Variants in SNTG2 observed in about 807,000 individuals in gnomAD.
The protein encoded by SNTG2 is syntrophin gamma 2.
In SNTG2, 74 loss-of-function variants were observed where a neutral mutation model predicts 70.9. That is an observed-to-expected ratio of 1.04 (90% CI 0.86 to 1.27). SNTG2 has a LOEUF of 1.27. Ranked by LOEUF, SNTG2 falls within the 50% of genes most tolerant of loss-of-function variation. SNTG2 has a pLI of 0.00. For missense variants in SNTG2, 717 were observed against 690.7 expected, an observed-to-expected ratio of 1.04 and a Z score of -0.43; for synonymous variants, 278 against 273.8, an observed-to-expected ratio of 1.02 and a Z score of -0.15.
intron 1 of SNTG2, among the ~76,000 whole-genome samples, chr2:976,648 G>T (rs1049665524): frequency 6.6e-6 from 1 of 152,104 alleles, no homozygotes; most frequent in African/African-American, 2.4e-5. Flanking sequence ...CACCCATTTC[G>T]GAACACATCA....
rs554082622 is a variant in SNTG2, at chr2:1,175,097, G to C, written c.591+1914G>C. 3.3e-5 allele frequency among the ~76,000 whole-genome samples: 5 copies of C among 152,156 alleles called. No individual in the cohort carries two copies. In the South Asian group the frequency reaches 1.0e-3, roughly 32 times the overall value. On this transcript the variant is annotated intron_variant, in intron 8 of 16. Coordinates refer to ENST00000308624, the MANE Select transcript of SNTG2 (RefSeq NM_018968.4). The stretch of plus-strand genomic sequence containing the variant: ...ATATTTTCCTCTAAATATTGTTAAC[G>C]TTTGCTTTTCACATTAGATCTCTAA...
At chr2:1,162,686 A>G (rs1317113604) in intron 6 of SNTG2, among the ~76,000 whole-genome samples, 2 of 151,972 alleles carry the variant, frequency 1.3e-5, no homozygotes, top group African/African-American at 4.8e-5. Context: ...GCCGTCATGA[A>G]CCTCGTTTAT....
intron 16 of SNTG2, among the ~76,000 whole-genome samples, chr2:1,326,511 C>T (rs933813607): frequency 6.6e-6 from 1 of 152,026 alleles, no homozygotes; most frequent in African/African-American, 2.4e-5. Context: ...CAGCAAAAAC[C>T]ATTACTCTTT....
chr2:1,288,064 T>C (rs1001973336), intron 14 of SNTG2, among the ~76,000 whole-genome samples: 2 of 152,220 alleles, frequency 1.3e-5, no homozygotes, highest in African/African-American at 2.4e-5. Flanking sequence ...AATAGGATAA[T>C]AGAATTAATC....
At chr2:1,046,684 T>C (rs1661755337) in intron 1 of SNTG2, among the ~76,000 whole-genome samples, 1 of 152,192 alleles carries the variant, frequency 6.6e-6, no homozygotes, top group Non-Finnish European at 1.5e-5. Context: ...AATATAGGTC[T>C]CCAATCTCTT....
At chr2:1,180,216 T>C (rs1338338296) in intron 8 of SNTG2, among the ~76,000 whole-genome samples, 1 of 126,656 alleles carries the variant, frequency 7.9e-6, no homozygotes. Flanking sequence ...AATTGACAAA[T>C]GGGATCTAAT....
intron 4 of SNTG2, among the ~76,000 whole-genome samples, chr2:1,118,679 G>T (rs1022588500): frequency 6.6e-6 from 1 of 151,836 alleles, no homozygotes; most frequent in African/African-American, 2.4e-5. Flanking sequence ...AAAAATCTGT[G>T]AACTTGAAGA....
intron 6 of SNTG2, among the ~76,000 whole-genome samples, chr2:1,139,716 C>T (rs36161437): frequency 0.13 from 20,185 of 151,764 alleles, 1,804 homozygotes; most frequent in East Asian, 0.27. Context: ...GTAGCCCCAG[C>T]TACTTAGGAG....
intron 8 of SNTG2, among the ~76,000 whole-genome samples, chr2:1,185,950 A>T (rs986490853): frequency 2.0e-5 from 3 of 152,198 alleles, no homozygotes; most frequent in Admixed American, 6.5e-5. Flanking sequence ...AATTTTCCAA[A>T]CTTTAACACT....
intron 1 of SNTG2, among the ~76,000 whole-genome samples, chr2:1,003,507 C>G (rs1659473578): frequency 6.6e-6 from 1 of 152,304 alleles, no homozygotes; most frequent in East Asian, 1.9e-4. Context: ...CATGTCTAGA[C>G]TTCATTACAT....
intron 2 of SNTG2, among the ~76,000 whole-genome samples, chr2:1,090,763 T>G (rs1664967384): frequency 6.6e-6 from 1 of 152,178 alleles, no homozygotes; most frequent in Non-Finnish European, 1.5e-5. Context: ...CCTGGGGCTG[T>G]GCACATGTTC....
intron 4 of SNTG2, among the ~76,000 whole-genome samples, chr2:1,125,349 G>T (rs1377902189): frequency 6.6e-6 from 1 of 152,094 alleles, no homozygotes; most frequent in Non-Finnish European, 1.5e-5. Context: ...TAAATCAAGA[G>T]TGTGTAACAG....
In SNTG2 at chr2:1,095,615, T is replaced by C. The variant is rs563207358; in HGVS notation, c.211-2581T>C. 3.3e-5 allele frequency among the ~76,000 whole-genome samples: 5 copies of C among 152,344 alleles called. No individual in the cohort carries two copies. In the South Asian group the frequency reaches 8.3e-4, roughly 25 times the overall value. ...TTGAAATATCAAGGATATTTTAGGG[T>C]ATTTCAGGATATCTTCCTGACATGT... On this transcript the variant is annotated intron_variant, in intron 2 of 16. Coordinates refer to ENST00000308624, the MANE Select transcript of SNTG2 (RefSeq NM_018968.4).
intron 1 of SNTG2, among the ~76,000 whole-genome samples, chr2:1,040,811 T>G (rs2148056389): frequency 6.6e-6 from 1 of 152,350 alleles, no homozygotes; most frequent in South Asian, 2.1e-4. Flanking sequence ...CTCCCTGTCC[T>G]GCCACCCTTG....
intron 13 of SNTG2, among the ~76,000 whole-genome samples, chr2:1,265,559 G>T (rs1678682297): frequency 6.6e-6 from 1 of 152,216 alleles, no homozygotes; most frequent in African/African-American, 2.4e-5. Flanking sequence ...GAGAGCCAGG[G>T]CATCCCCCCG....
Position 1,346,228 on chromosome 2 carries a change from G to A in SNTG2, c.1489-21115G>A, listed in dbSNP as rs1484816253. 8.0e-5 allele frequency: 12 copies of A among 150,834 alleles called. 1 individual carries two copies. Among genetic ancestry groups the A allele is most frequent in the Admixed American group, 7.9e-4 (12 of 15,174 alleles). The allele number at this position is 150,834 out of a possible 1,614,324, so 9.3% of individuals were successfully genotyped here. On this transcript the variant is annotated intron_variant, in intron 16 of 16. Transcript: ENST00000308624. The stretch of plus-strand genomic sequence containing the variant: ...AGAGTGGACTGGCACTTTTCCCCCT[G>A]TTCTGGGCACGCCTGGCCCAGCAGC...
At chr2:1,217,439 A>G (rs1053007744) in intron 9 of SNTG2, among the ~76,000 whole-genome samples, 4 of 152,198 alleles carry the variant, frequency 2.6e-5, no homozygotes, top group African/African-American at 9.6e-5. Context: ...TTGAAGGGAG[A>G]ATATTGAGAT....
chr2:1,193,357 G>A (rs993357833), intron 8 of SNTG2, among the ~76,000 whole-genome samples: 1 of 152,148 alleles, frequency 6.6e-6, no homozygotes, highest in African/African-American at 2.4e-5. Context: ...GCAGGCAGCC[G>A]CTCACCACCT....
At chr2:1,117,211 C>T (rs1282049488) in intron 4 of SNTG2, among the ~76,000 whole-genome samples, 1 of 152,024 alleles carries the variant, frequency 6.6e-6, no homozygotes, top group African/African-American at 2.4e-5. Context: ...GAACATCACT[C>T]AAGATGATTG....
Sources: allele counts gnomAD v4.1 joint callset (sites outside exome capture counted in the v4.1 genomes callset), GRCh38; gene constraint gnomAD v4.1.1; transcripts MANE v1.5; gene names NCBI Gene and HGNC (gene_info 2026-07-23, HGNC 2026-07-21).